Variants in PDZD9 observed in about 807,000 individuals in gnomAD.
The protein encoded by PDZD9 is PDZ domain-containing protein 9.
A neutral mutation model predicts 16.3 loss-of-function variants in PDZD9; 13 were observed. That is an observed-to-expected ratio of 0.80 (90% confidence interval 0.52 to 1.27). The LOEUF is 1.27. PDZD9 is among the 50% of genes most tolerant of loss of function. The probability of loss-of-function intolerance (pLI) is 0.00; values close to 1 mark genes in which losing one functional copy is unlikely to be tolerated. For synonymous variants in PDZD9, 120 were observed against 111.0 expected, an observed-to-expected ratio of 1.08 and a Z score of -0.51; for missense variants, 288 against 310.9, an observed-to-expected ratio of 0.93 and a Z score of 0.55.
downstream of PDZD9, among the ~76,000 whole-genome samples, chr16:21,979,947 TA>T (rs1237663342): frequency 1.1e-4 from 17 of 152,316 alleles, 1 homozygote; most frequent in South Asian, 8.3e-4. Context: ...GTACATGAGA[TA>T]ATCAATGCTT....
At chr16:21,994,972 G>A (rs1272892147) in intron 2 of PDZD9, among the ~76,000 whole-genome samples, 3 of 151,704 alleles carry the variant, frequency 2.0e-5, no homozygotes, top group Non-Finnish European at 4.4e-5. Flanking sequence ...CTAGGATTAC[G>A]GGCACGCACC....
intron 1 of PDZD9, chr16:21,998,862 A>G (rs1899219280): frequency 1.1e-5 from 2 of 183,306 alleles, no homozygotes; most frequent in African/African-American, 2.4e-5. Context: ...GAGCAAGTAA[A>G]TACATGCAAT....
the PDZD9 span, among the ~76,000 whole-genome samples, chr16:21,958,244 A>T: frequency 3.9e-5 from 6 of 152,306 alleles, no homozygotes; most frequent in African/African-American, 1.4e-4. Flanking sequence ...AAGTGCCGCA[A>T]ATTGAAAGAA....
the PDZD9 span, among the ~76,000 whole-genome samples, chr16:21,964,998 T>A: frequency 9.2e-5 from 14 of 152,302 alleles, no homozygotes; most frequent in South Asian, 2.7e-3. Context: ...GACAATCTCC[T>A]TATTACCTAG....
At chr16:21,971,422 T>C in the PDZD9 span, 1 of 905,392 alleles carries the variant, frequency 1.1e-6, no homozygotes, top group South Asian at 1.7e-5. Context: ...TATTTTGTAG[T>C]GTTAGGATTT....
chr16:21,971,884 G>C, the PDZD9 span: 3 of 1,609,932 alleles, frequency 1.9e-6, no homozygotes, highest in Non-Finnish European at 2.5e-6. Flanking sequence ...TGGTGAACAA[G>C]CCATTTTCTT....
At chr16:22,000,516 A>C (rs1899267461) in intron 1 of PDZD9, among the ~76,000 whole-genome samples, 1 of 152,048 alleles carries the variant, frequency 6.6e-6, no homozygotes, top group African/African-American at 2.4e-5. Context: ...ATAGCTTGTC[A>C]AAACGGTAGC....
chr16:21,981,992 C>A (rs761448890), downstream of PDZD9, among the ~76,000 whole-genome samples: 1 of 151,562 alleles, frequency 6.6e-6, no homozygotes, highest in Non-Finnish European at 1.5e-5. Flanking sequence ...AGGTGCCCAC[C>A]ACCACGGCCG....
chr16:21,979,927 G>A (rs926381450), downstream of PDZD9, among the ~76,000 whole-genome samples: 21 of 152,158 alleles, frequency 1.4e-4, no homozygotes, highest in African/African-American at 5.1e-4. Flanking sequence ...TCCTAGGCTA[G>A]TGATATGCAG....
chr16:21,984,485 T>G lies in PDZD9; in HGVS notation c.577A>C (p.Asn193His). The G allele has an allele frequency of 6.2e-7, 1 of 1,611,506 alleles. No individual in the cohort carries two copies. The change falls in exon 4 of 4, where the codon AAC becomes CAC. Residue 193 changes from asparagine to histidine, a missense_variant. Transcript: ENST00000424898. The stretch of plus-strand genomic sequence containing the variant: ...TCTTTTCCTACACTAATAGTATGGT[T>G]CTTCTTCTTATATCCATGCCAGTCT... ...SRDWHGYKKK[N>H]HTISVGKDIN...
rs752195888 is a variant in PDZD9 at position 21,984,636 on chromosome 16, T to A, written c.426A>T (p.Ala142=). ...VTSTPKKIEL[A]KDESFTSSDD... ...CACTGCTTGTGAAAGATTCATCTTT[T>A]GCCAGCTCAATTTTCTTTGGTGTGC... The change falls in exon 4 of 4, where the codon GCA becomes GCT. Residue 142 remains alanine (A), a synonymous_variant. Coordinates refer to ENST00000424898, the MANE Select transcript of PDZD9 (RefSeq NM_001363519.1). 6.6e-7 allele frequency: 1 copy of A among 1,515,300 alleles called. No homozygotes were observed. Among genetic ancestry groups the A allele is most frequent in the East Asian group, 2.3e-5 (1 of 43,548 alleles). 93.9% of individuals were successfully genotyped at this position (1,515,300 alleles called of 1,614,324 possible).
the PDZD9 span, among the ~76,000 whole-genome samples, chr16:21,966,053 C>G: frequency 8.6e-5 from 13 of 150,828 alleles, no homozygotes; most frequent in African/African-American, 2.7e-4. Flanking sequence ...GTGGCTCATG[C>G]GTGTAATCTC....
At chr16:21,958,240 C>T in the PDZD9 span, among the ~76,000 whole-genome samples, 24 of 152,016 alleles carry the variant, frequency 1.6e-4, no homozygotes, top group East Asian at 2.7e-3. Flanking sequence ...CAGGAAGTGC[C>T]GCAAATTGAA....
downstream of PDZD9, among the ~76,000 whole-genome samples, chr16:21,979,031 A>C (rs1898652420): frequency 6.6e-6 from 1 of 152,246 alleles, no homozygotes; most frequent in African/African-American, 2.4e-5. Flanking sequence ...GAGAATCTTC[A>C]AACTACAAGC....
intron 2 of PDZD9, among the ~76,000 whole-genome samples, chr16:21,989,033 G>T (rs1898959063): frequency 6.6e-6 from 1 of 150,512 alleles, no homozygotes; most frequent in African/African-American, 2.4e-5. Context: ...GGTTCAAGTG[G>T]TTCTCCTGCC....
Position 21,984,433 on chromosome 16 carries a change from CTG to C in PDZD9, c.627_628del (p.His209GlnfsTer22). 6.2e-7 allele frequency: 1 copy of C among 1,614,164 alleles called. No individual in the cohort carries two copies. The highest frequency in any genetic ancestry group is 8.5e-7 in the Non-Finnish European group (1 of 1,179,998). On this transcript the variant is annotated frameshift_variant, in exon 4 of 4. Transcript: ENST00000424898. LOFTEE classifies it low-confidence loss of function (END_TRUNC). ...GGCCCTCACTTCTTTCTTGTCGTCT[CTG>C]TGAATCATCACGTCACAATTAATGT...
At chr16:21,994,268 T>A (rs1235400921) in intron 2 of PDZD9, among the ~76,000 whole-genome samples, 1 of 152,178 alleles carries the variant, frequency 6.6e-6, no homozygotes, top group Non-Finnish European at 1.5e-5. Flanking sequence ...AATTCAAAGA[T>A]GAGGTGACTA....
downstream of PDZD9, among the ~76,000 whole-genome samples, chr16:21,982,526 T>C (rs1317882355): frequency 6.6e-6 from 1 of 152,240 alleles, no homozygotes; most frequent in African/African-American, 2.4e-5. Context: ...CTCTTACCAG[T>C]GTTGCTCTTG....
the PDZD9 span, among the ~76,000 whole-genome samples, chr16:21,972,640 C>T: frequency 5.3e-5 from 8 of 152,228 alleles, no homozygotes; most frequent in African/African-American, 9.6e-5. Flanking sequence ...TCTGAGAGGC[C>T]GAGGTGGGCG....
Sources: gnomAD v4.1 joint callset for allele counts (sites outside exome capture counted in the v4.1 genomes callset) on GRCh38, gnomAD v4.1.1 for gene constraint, MANE v1.5 for transcripts, NCBI Gene and HGNC (gene_info 2026-07-23, HGNC 2026-07-21) for gene names.